Variants in INTS12 observed in about 807,000 individuals in gnomAD.
INTS12 encodes the protein integrator complex subunit 12.
In INTS12, 13 loss-of-function variants were observed where a neutral mutation model predicts 41.6. The observed-to-expected ratio is 0.31, with a 90% CI of 0.20 to 0.50. INTS12 has a LOEUF of 0.50. Among genes scored for constraint, INTS12 ranks in the 20% least tolerant of loss-of-function variants. INTS12 has a pLI of 0.98. For synonymous variants in INTS12, 199 were observed against 191.4 expected, an observed-to-expected ratio of 1.04 and a Z score of -0.33; for missense variants, 432 against 541.6, an observed-to-expected ratio of 0.80 and a Z score of 2.01.
chr4:105,697,761 G>A (rs901182676), intron 3 of INTS12, among the ~76,000 whole-genome samples: 1 of 152,088 alleles, frequency 6.6e-6, no homozygotes, highest in Non-Finnish European at 1.5e-5. Context: ...ACTTAAAAAT[G>A]TGTGGTGGGC....
At chr4:105,688,191 T>TA (rs964051343) in intron 6 of INTS12, among the ~76,000 whole-genome samples, 7 of 152,194 alleles carry the variant, frequency 4.6e-5, no homozygotes, top group African/African-American at 1.7e-4. Context: ...TTACAAAGGA[T>TA]AATCAAACTG....
intron 1 of INTS12, 140 bp from the exon 2 acceptor site, chr4:105,703,949 G>A (rs1428144173): frequency 2.0e-5 from 3 of 151,516 alleles, no homozygotes; most frequent in Non-Finnish European, 4.4e-5. Context: ...GTGTCACCTG[G>A]ATCTGGATCC....
intron 2 of INTS12, among the ~76,000 whole-genome samples, chr4:105,702,425 C>A (rs182005409): frequency 6.6e-6 from 1 of 152,112 alleles, no homozygotes; most frequent in Non-Finnish European, 1.5e-5. Context: ...CGTGAGCCAC[C>A]GCGCCCAGCC....
At chr4:105,700,751 T>G (rs1732042020) in intron 2 of INTS12, among the ~76,000 whole-genome samples, 2 of 98,500 alleles carry the variant, frequency 2.0e-5, no homozygotes. Flanking sequence ...ACACAGAGCC[T>G]ATGATGCTTT....
At chr4:105,700,730 C>T (rs919170796) in intron 2 of INTS12, among the ~76,000 whole-genome samples, 4 of 151,754 alleles carry the variant, frequency 2.6e-5, no homozygotes, top group Non-Finnish European at 4.4e-5. Flanking sequence ...CACACACACA[C>T]ACACACACAC....
At chr4:105,702,807 C>T (rs1732129973) in intron 2 of INTS12, 4 of 837,694 alleles carry the variant, frequency 4.8e-6, no homozygotes, top group Non-Finnish European at 5.8e-6. Flanking sequence ...CCTCACCAAA[C>T]AGAAAACAGT....
chr4:105,699,788 T>C, intron 3 of INTS12, 62 bp downstream of exon 3: 1 of 1,134,714 alleles, frequency 8.8e-7, no homozygotes, highest in South Asian at 2.6e-5. Context: ...GGTCTATATG[T>C]TATCAATGTA....
At chr4:105,694,236 A>G (rs1258352584) in intron 4 of INTS12, among the ~76,000 whole-genome samples, 1 of 152,234 alleles carries the variant, frequency 6.6e-6, no homozygotes, top group Non-Finnish European at 1.5e-5. Flanking sequence ...ATCTAGATCT[A>G]CATGCATTAA....
At chr4:105,684,689 A>T (rs1279908599) in intron 7 of INTS12, among the ~76,000 whole-genome samples, 1 of 152,112 alleles carries the variant, frequency 6.6e-6, no homozygotes, top group African/African-American at 2.4e-5. Context: ...TACATAAACC[A>T]TTTATTCCTA....
At position 105,683,166 on chromosome 4, in the gene INTS12, C is replaced by T. The variant is rs770307049; in HGVS notation, c.956G>A (p.Gly319Glu). The T allele has an allele frequency of 6.2e-7, 1 of 1,614,050 alleles. No homozygotes were observed. Among genetic ancestry groups the T allele is most frequent in the South Asian group, 1.1e-5 (1 of 91,078 alleles). ...GTTAGCTGACGAAGTAGCAGGTTTCCCAGTATTGTTTTGTGTTGTTGAACT... is the reference window on the plus strand; with the variant it reads ...GTTAGCTGACGAAGTAGCAGGTTTCTCAGTATTGTTTTGTGTTGTTGAACT... ...KLSSTTQNNTGKPATSSANQK... is the reference protein window; with the variant it reads ...KLSSTTQNNTEKPATSSANQK... The change falls in exon 8 of 8, where the codon GGG (glycine) becomes GAG (glutamate). Residue 319 changes from glycine (G) to glutamate (E), a missense_variant. Physicochemically the swap from Gly to Glu is moderately conservative, Grantham distance 98. Around this residue, in one of 3 missense-constraint regions of INTS12, gnomAD observed 258 missense variants for 309.9 expected, o/e 0.83. Transcript: ENST00000340139.
At chr4:105,695,417 C>T in intron 4 of INTS12, 99 bp downstream of exon 4, 3 of 814,668 alleles carry the variant, frequency 3.7e-6, no homozygotes, top group East Asian at 2.7e-5. Flanking sequence ...ATACCTATAC[C>T]CATTATTATA....
chr4:105,683,357 T>G (rs555877119), intron 7 of INTS12, 40 bp from the exon 8 acceptor site: 1 of 1,400,298 alleles, frequency 7.1e-7, no homozygotes, highest in African/African-American at 1.4e-5. Context: ...GAGCCAAGTT[T>G]AATCAGTACC....
At chr4:105,706,231 A>G (rs1377821096) in intron 1 of INTS12, 1 of 130,436 alleles carries the variant, frequency 7.7e-6, no homozygotes, top group African/African-American at 2.8e-5. Context: ...ATGATTTAAT[A>G]TGTTTTACCC....
At chr4:105,708,062 C>T in intron 1 of INTS12, 2 of 985,484 alleles carry the variant, frequency 2.0e-6, no homozygotes, top group Non-Finnish European at 2.4e-6. Context: ...ACTTCGCAAG[C>T]TCTTGCAACC....
chr4:105,695,573 G>A lies in INTS12; in HGVS notation c.252C>T (p.Gly84=). ...SSSLPSGNNN[G]KVLTTEKVKK... ...TTACCTTTTCAGTTGTGAGGACCTT[G>A]CCATTATTATTACCAGAAGGAAGAC... The change falls in exon 4 of 8, where the codon GGC becomes GGT. Residue 84 remains glycine (G), a synonymous_variant. Transcript: ENST00000340139. 1 of 1,612,638 alleles carries A rather than the reference G, an allele frequency of 6.2e-7. No homozygotes were observed. The highest frequency in any genetic ancestry group is 8.5e-7 in the Non-Finnish European group (1 of 1,179,184).
At chr4:105,696,900 T>C (rs1004048172) in intron 3 of INTS12, among the ~76,000 whole-genome samples, 2 of 152,246 alleles carry the variant, frequency 1.3e-5, no homozygotes, top group Non-Finnish European at 2.9e-5. Context: ...CTAATAGGTA[T>C]GTAGTGATAT....
At chr4:105,702,131 T>TTA (rs1732099484) in intron 2 of INTS12, among the ~76,000 whole-genome samples, 1 of 108,632 alleles carries the variant, frequency 9.2e-6, no homozygotes, top group African/African-American at 4.2e-5. Flanking sequence ...TTTCTATTTC[T>TTA]TTTTTTTTTT....
chr4:105,685,783 A>G (rs560630480), intron 7 of INTS12, among the ~76,000 whole-genome samples: 25 of 152,206 alleles, frequency 1.6e-4, no homozygotes, highest in African/African-American at 5.8e-4. Context: ...TCCATGATAT[A>G]AAAAGGCCAA....
intron 3 of INTS12, among the ~76,000 whole-genome samples, chr4:105,697,356 A>G (rs1304473442): frequency 2.6e-5 from 4 of 152,222 alleles, no homozygotes; most frequent in Admixed American, 2.0e-4. Context: ...TAATATGTAA[A>G]AGTACAAAAG....
Sources: gnomAD v4.1 joint callset for allele counts (sites outside exome capture counted in the v4.1 genomes callset) on GRCh38, gnomAD v4.1.1 for gene constraint, gnomAD v4.1.1 regional missense constraint, MANE v1.5 for transcripts, NCBI Gene and HGNC (gene_info 2026-07-23, HGNC 2026-07-21) for gene names.